The following SNX29 variants were observed in gnomAD, a reference collection of about 807,000 sequenced individuals.
SNX29 encodes sorting nexin 29, also known as sorting nexin-29.
Under a neutral mutation model 102.1 loss-of-function variants are expected in SNX29, and 78 were observed. The ratio of observed to expected loss-of-function variants is 0.76; its 90% CI spans 0.64 to 0.92. The LOEUF is 0.92. Ranked by LOEUF, SNX29 falls within the 40% of genes least tolerant of loss-of-function variation. The pLI is 0.00. For missense variants in SNX29, 1,280 were observed against 1,061.7 expected, an observed-to-expected ratio of 1.21 and a Z score of -2.86; for synonymous variants, 580 against 414.5, an observed-to-expected ratio of 1.40 and a Z score of -4.85.
At chr16:12,001,688 G>C (rs538253243) in intron 2 of SNX29, among the ~76,000 whole-genome samples, 2 of 151,986 alleles carry the variant, frequency 1.3e-5, no homozygotes, top group Non-Finnish European at 2.9e-5. Flanking sequence ...CCCTGCAAGC[G>C]TGCTACCCAT....
chr16:12,521,953 A>G (rs575610425), intron 19 of SNX29, among the ~76,000 whole-genome samples: 40 of 152,222 alleles, frequency 2.6e-4, no homozygotes, highest in African/African-American at 9.4e-4. Context: ...GGCTCTCAGC[A>G]GTGTTTGAGA....
At chr16:12,521,729 C>T (rs1214780510) in intron 19 of SNX29, among the ~76,000 whole-genome samples, 1 of 152,208 alleles carries the variant, frequency 6.6e-6, no homozygotes, top group Non-Finnish European at 1.5e-5. Context: ...TAACCACCTT[C>T]CCAAGGAAAA....
intron 18 of SNX29, among the ~76,000 whole-genome samples, chr16:12,437,951 G>T (rs1238309495): frequency 1.3e-5 from 2 of 152,014 alleles, no homozygotes; most frequent in African/African-American, 4.8e-5. Context: ...GCACTGCCAG[G>T]CCCAGCTCTG....
intron 4 of SNX29, among the ~76,000 whole-genome samples, chr16:12,033,351 C>A (rs1486656358): frequency 6.6e-6 from 1 of 152,120 alleles, no homozygotes; most frequent in Non-Finnish European, 1.5e-5. Context: ...GATCCTCCCA[C>A]CTTGGCCTCC....
intron 20 of SNX29, among the ~76,000 whole-genome samples, chr16:12,538,319 A>C (rs946740525): frequency 6.6e-6 from 1 of 152,096 alleles, no homozygotes; most frequent in African/African-American, 2.4e-5. Context: ...AGGGGGTTTC[A>C]CCATGTTAGC....
intron 11 of SNX29, chr16:12,089,996 G>A (rs1303068828): frequency 5.1e-6 from 1 of 195,356 alleles, no homozygotes; most frequent in Admixed American, 6.1e-5. Context: ...TAACACCCGT[G>A]AGTCATAGAG....
chr16:12,086,296 G>A (rs553535823), intron 11 of SNX29, among the ~76,000 whole-genome samples: 1 of 152,094 alleles, frequency 6.6e-6, no homozygotes, highest in African/African-American at 2.4e-5. Context: ...GAGCCACCGC[G>A]CCTGGCCACG....
chr16:12,046,059 TG>T (rs2050075685), intron 5 of SNX29, among the ~76,000 whole-genome samples: 1 of 152,226 alleles, frequency 6.6e-6, no homozygotes. Flanking sequence ...GTCTGTCTCT[TG>T]GGGACGTTGC....
At chr16:12,111,424 G>T (rs1007594365) in intron 11 of SNX29, among the ~76,000 whole-genome samples, 1 of 152,178 alleles carries the variant, frequency 6.6e-6, no homozygotes, top group Non-Finnish European at 1.5e-5. Flanking sequence ...CCTTTGAGCC[G>T]TTCCTCAGAC....
At position 12,568,807 on chromosome 16, in the gene SNX29, G is replaced by C. The variant is rs1399681157; in HGVS notation, c.*178G>C. The C allele has an allele frequency of 7.8e-6, 8 of 1,021,120 alleles. No homozygotes were observed. The highest frequency in any genetic ancestry group is 1.1e-5 in the Non-Finnish European group (8 of 721,610). 63.3% of individuals were successfully genotyped at this position (1,021,120 alleles called of 1,614,324 possible). On this transcript the variant is annotated 3_prime_UTR_variant, in exon 21 of 21. Transcript: ENST00000566228. Reference sequence around the variant, plus strand: ...AAACTAATCAGTCTTCGAGCCGCATGATACCGTGACCCGAGAGACCAAGGC... The same window carrying C: ...AAACTAATCAGTCTTCGAGCCGCATCATACCGTGACCCGAGAGACCAAGGC...
intron 20 of SNX29, among the ~76,000 whole-genome samples, chr16:12,532,159 C>T (rs1767709304): frequency 6.6e-6 from 1 of 152,162 alleles, no homozygotes; most frequent in East Asian, 1.9e-4. Context: ...ACTGTGTGTT[C>T]CTGGCTCTGT....
intron 13 of SNX29, among the ~76,000 whole-genome samples, chr16:12,157,693 G>A (rs1033691532): frequency 1.3e-5 from 2 of 152,182 alleles, no homozygotes; most frequent in African/African-American, 4.8e-5. Context: ...ATGTGAGCTC[G>A]TAAGTGAAGA....
chr16:12,549,588 G>A (rs1044325683), intron 20 of SNX29, among the ~76,000 whole-genome samples: 4 of 152,172 alleles, frequency 2.6e-5, no homozygotes, highest in East Asian at 3.9e-4. Flanking sequence ...CCTAAGACCT[G>A]CACCTTTTTC....
chr16:12,258,989 C>T (rs982848994), intron 14 of SNX29, among the ~76,000 whole-genome samples: 2 of 152,272 alleles, frequency 1.3e-5, no homozygotes, highest in South Asian at 2.1e-4. Flanking sequence ...AGAGTTGTTC[C>T]ATCAGCAGAC....
At chr16:12,141,672 C>T (rs1010172492) in intron 13 of SNX29, among the ~76,000 whole-genome samples, 1 of 152,228 alleles carries the variant, frequency 6.6e-6, no homozygotes, top group African/African-American at 2.4e-5. Flanking sequence ...ATTGCCGTGG[C>T]ATTTGTAAAC....
chr16:12,416,146 G>C (rs2084626434), intron 18 of SNX29, among the ~76,000 whole-genome samples: 1 of 152,168 alleles, frequency 6.6e-6, no homozygotes, highest in Non-Finnish European at 1.5e-5. Context: ...TGGGCAGGCT[G>C]TGCTCTGTTC....
At position 12,572,654 on chromosome 16, in the gene SNX29, G is replaced by C. The variant is rs891263419; in HGVS notation, c.*4025G>C. Reference sequence around the variant, plus strand: ...TCCTTCATTCCTCCACCAAGCTCCTGTGTGAGCTGCAGCACCCACACGGGG... The same window carrying C: ...TCCTTCATTCCTCCACCAAGCTCCTCTGTGAGCTGCAGCACCCACACGGGG... On this transcript the variant is annotated 3_prime_UTR_variant, in exon 21 of 21. Coordinates refer to ENST00000566228, the MANE Select transcript of SNX29 (RefSeq NM_032167.5). The C allele has an allele frequency of 4.7e-6, 5 of 1,063,612 alleles. No individual in the cohort carries two copies. Among genetic ancestry groups the C allele is most frequent in the African/African-American group, 3.3e-5 (2 of 60,706 alleles). 65.9% of individuals were successfully genotyped at this position (1,063,612 alleles called of 1,614,324 possible).
At chr16:12,552,023 G>A (rs779234243) in intron 20 of SNX29, among the ~76,000 whole-genome samples, 9 of 152,142 alleles carry the variant, frequency 5.9e-5, no homozygotes, top group East Asian at 1.9e-4. Context: ...AAAAAACGTG[G>A]CAAGTCCAGG....
At position 12,052,186 on chromosome 16, in the gene SNX29, G is replaced by T; in HGVS notation, c.1088G>T (p.Gly363Val). Reference protein sequence around the residue: ...NEDDVYGNSSGRKHRGHSESP... With the variant: ...NEDDVYGNSSVRKHRGHSESP... ...GATGACGTGTATGGAAACTCATCAG[G>T]AAGGAAGCACAGGGGCCACTCGGAG... The change falls in exon 8 of 21, where the codon GGA becomes GTA. Residue 363 changes from glycine (G) to valine (V), a missense_variant. By Grantham distance (109) the Gly-to-Val change is moderately radical. Coordinates refer to ENST00000566228, the MANE Select transcript of SNX29 (RefSeq NM_032167.5). 1 of 1,613,964 alleles carries T rather than the reference G, an allele frequency of 6.2e-7. No homozygotes were observed. The highest frequency in any genetic ancestry group is 8.5e-7 in the Non-Finnish European group (1 of 1,179,860).
Sources: allele counts gnomAD v4.1 joint callset (sites outside exome capture counted in the v4.1 genomes callset), GRCh38; gene constraint gnomAD v4.1.1; transcripts MANE v1.5; gene names NCBI Gene and HGNC (gene_info 2026-07-23, HGNC 2026-07-21).